The following HMGCLL1 variants were observed in gnomAD, a reference collection of about 807,000 sequenced individuals.
The protein encoded by HMGCLL1 is 3-hydroxymethyl-3-methylglutaryl-CoA lyase, cytoplasmic.
Under a neutral mutation model 39.1 loss-of-function variants are expected in HMGCLL1, and 36 were observed. The ratio of observed to expected loss-of-function variants is 0.92; its 90% CI spans 0.71 to 1.22. The LOEUF is 1.22. Among genes scored for constraint, HMGCLL1 ranks in the 50% most tolerant of loss-of-function variants. The pLI, the probability that HMGCLL1 is intolerant of heterozygous loss-of-function variation, is 0.00. For missense variants in HMGCLL1, 451 were observed against 416.5 expected (o/e 1.08, Z -0.72); for synonymous variants, 149 against 144.0 (o/e 1.03, Z -0.25).
At chr6:55,678,297 T>C in the HMGCLL1 span, among the ~76,000 whole-genome samples, 1 of 152,326 alleles carries the variant, frequency 6.6e-6, no homozygotes, top group East Asian at 1.9e-4. Flanking sequence ...CTACACAGAT[T>C]TTCTAGTTTA....
the HMGCLL1 span, among the ~76,000 whole-genome samples, chr6:55,586,841 T>G: frequency 6.6e-6 from 1 of 152,164 alleles, no homozygotes. Flanking sequence ...TTATGAATAG[T>G]GCTGCAATAA....
chr6:55,664,484 TTAA>T, the HMGCLL1 span, among the ~76,000 whole-genome samples: 5 of 151,692 alleles, frequency 3.3e-5, no homozygotes, highest in East Asian at 7.8e-4. Context: ...TATACAGAGA[TTAA>T]TAATATATAT....
the HMGCLL1 span, among the ~76,000 whole-genome samples, chr6:55,627,924 ATATATAC>A: frequency 0.061 from 217 of 3,572 alleles, 23 homozygotes; most frequent in African/African-American, 0.13. Flanking sequence ...TATATATAAT[ATATATAC>A]TATATATATA....
At chr6:55,593,985 T>C in the HMGCLL1 span, among the ~76,000 whole-genome samples, 3 of 152,192 alleles carry the variant, frequency 2.0e-5, no homozygotes, top group African/African-American at 7.2e-5. Flanking sequence ...TTATATATAC[T>C]TCCCTCCTAA....
the HMGCLL1 span, among the ~76,000 whole-genome samples, chr6:55,603,555 A>T: frequency 6.6e-6 from 1 of 152,136 alleles, no homozygotes; most frequent in Non-Finnish European, 1.5e-5. Flanking sequence ...CAGTCATCAT[A>T]GCATTGGATT....
chr6:55,514,004 C>G (rs777953528), intron 5 of HMGCLL1, 44 bp downstream of exon 5: 1 of 1,565,154 alleles, frequency 6.4e-7, no homozygotes. Flanking sequence ...TAAGCTTTAA[C>G]AATAAACATT....
chr6:55,547,214 A>G (rs925075479), intron 1 of HMGCLL1, among the ~76,000 whole-genome samples: 5 of 152,088 alleles, frequency 3.3e-5, no homozygotes, highest in African/African-American at 1.2e-4. Flanking sequence ...TATACAGAAC[A>G]TAAGTAATGT....
At chr6:55,571,006 C>T (rs922687537) in intron 1 of HMGCLL1, among the ~76,000 whole-genome samples, 4 of 152,170 alleles carry the variant, frequency 2.6e-5, no homozygotes, top group South Asian at 2.1e-4. Context: ...GACTTATTCA[C>T]TACCACAAGA....
intron 6 of HMGCLL1, 63 bp from the exon 7 acceptor site, chr6:55,495,670 C>A: frequency 8.3e-7 from 1 of 1,199,962 alleles, no homozygotes; most frequent in East Asian, 2.5e-5. Flanking sequence ...CCCTCTTGTG[C>A]CACAACTAAC....
chr6:55,651,378 C>G, the HMGCLL1 span, among the ~76,000 whole-genome samples: 1 of 152,014 alleles, frequency 6.6e-6, no homozygotes, highest in Non-Finnish European at 1.5e-5. Context: ...AGAAATGTTA[C>G]CTATAAGCTA....
chr6:55,655,536 G>GTAGATAGATAGATAGA, the HMGCLL1 span, among the ~76,000 whole-genome samples: 7,836 of 147,656 alleles, frequency 0.053, 263 homozygotes, highest in East Asian at 0.088. Flanking sequence ...AGTTATATTG[G>GTAGATAGATAGATAGA]TAGATAGATA....
the HMGCLL1 span, among the ~76,000 whole-genome samples, chr6:55,657,722 C>A: frequency 6.6e-6 from 1 of 151,958 alleles, no homozygotes; most frequent in Admixed American, 6.6e-5. Flanking sequence ...GAATACTATG[C>A]AGCCATAAAA....
At chr6:55,603,990 A>G in the HMGCLL1 span, among the ~76,000 whole-genome samples, 6 of 152,306 alleles carry the variant, frequency 3.9e-5, no homozygotes, top group East Asian at 1.9e-4. Flanking sequence ...TATTGATTTA[A>G]TATCTATTCC....
At chr6:55,545,765 A>T (rs1479518968) in intron 1 of HMGCLL1, among the ~76,000 whole-genome samples, 2 of 152,174 alleles carry the variant, frequency 1.3e-5, no homozygotes, top group African/African-American at 4.8e-5. Context: ...TTTGCCTACT[A>T]GGCATTGTTT....
chr6:55,677,014 A>G, the HMGCLL1 span, among the ~76,000 whole-genome samples: 1 of 152,250 alleles, frequency 6.6e-6, no homozygotes, highest in Admixed American at 6.5e-5. Flanking sequence ...TGTGGTAGAT[A>G]TACTCTGAGT....
At chr6:55,626,297 C>T in the HMGCLL1 span, among the ~76,000 whole-genome samples, 6 of 152,104 alleles carry the variant, frequency 3.9e-5, no homozygotes, top group Non-Finnish European at 2.9e-5. Flanking sequence ...GCCTTATCCG[C>T]TGTCATGGTA....
chr6:55,499,037 G>T (rs932415322), intron 6 of HMGCLL1, among the ~76,000 whole-genome samples, 199 bp downstream of exon 6: 1 of 152,050 alleles, frequency 6.6e-6, no homozygotes, highest in African/African-American at 2.4e-5. Flanking sequence ...GTCCCTTAAC[G>T]TTGAAAAGTT....
chr6:55,629,882 T>G, the HMGCLL1 span, among the ~76,000 whole-genome samples: 1 of 152,268 alleles, frequency 6.6e-6, no homozygotes, highest in East Asian at 1.9e-4. Context: ...TTTCAGAGGA[T>G]GTATGGAAAT....
chr6:55,541,584 T>C, intron 3 of HMGCLL1, 145 bp downstream of exon 3: 1 of 537,440 alleles, frequency 1.9e-6, no homozygotes. Flanking sequence ...AGGGTTTTTA[T>C]TTAATCATAT....
Sources: allele counts gnomAD v4.1 joint callset (sites outside exome capture counted in the v4.1 genomes callset), GRCh38; gene constraint gnomAD v4.1.1; transcripts MANE v1.5; gene names NCBI Gene and HGNC (gene_info 2026-07-23, HGNC 2026-07-21).